Variants in CSMD2 observed in about 807,000 individuals in gnomAD.
CSMD2 encodes the protein CUB and sushi domain-containing protein 2.
A neutral mutation model predicts 398.5 loss-of-function variants in CSMD2; 130 were observed. The observed-to-expected ratio is 0.33, with a 90% CI of 0.28 to 0.38. CSMD2 has a LOEUF of 0.38. Ranked by LOEUF, CSMD2 falls within the 10% of genes least tolerant of loss-of-function variation. The pLI is 1.00. For synonymous variants in CSMD2, 1,828 were observed against 1,908.5 expected, an observed-to-expected ratio of 0.96 and a Z score of 1.10; for missense variants, 3,829 against 4,764.9, an observed-to-expected ratio of 0.80 and a Z score of 5.78.
intron 9 of CSMD2, chr1:33,813,115 C>A (rs1358431730): frequency 6.6e-6 from 1 of 152,210 alleles, no homozygotes; most frequent in Non-Finnish European, 1.5e-5. Context: ...AAGCCCTCAG[C>A]TTCAGAATCA....
intron 10 of CSMD2, among the ~76,000 whole-genome samples, chr1:33,794,827 G>A (rs1270738249): frequency 2.0e-5 from 3 of 152,042 alleles, no homozygotes; most frequent in African/African-American, 7.2e-5. Flanking sequence ...TCTAGGTGAA[G>A]TGGGTTGTGG....
chr1:33,918,807 C>T (rs1431614004), intron 4 of CSMD2, among the ~76,000 whole-genome samples: 3 of 152,170 alleles, frequency 2.0e-5, no homozygotes, highest in African/African-American at 7.2e-5. Context: ...CCACAATTTC[C>T]CAGCCACCTG....
intron 39 of CSMD2, among the ~76,000 whole-genome samples, chr1:33,615,578 A>T (rs1641330044): frequency 6.6e-6 from 1 of 152,212 alleles, no homozygotes; most frequent in Non-Finnish European, 1.5e-5. Context: ...CAACTGTAAA[A>T]TGGAACTAGT....
intron 13 of CSMD2, among the ~76,000 whole-genome samples, chr1:33,748,149 T>C (rs1012683322): frequency 2.0e-5 from 3 of 152,176 alleles, no homozygotes; most frequent in Admixed American, 2.0e-4. Flanking sequence ...CTCAGACTTG[T>C]TGCAACAAGG....
intron 25 of CSMD2, among the ~76,000 whole-genome samples, chr1:33,681,898 G>T (rs1644919331): frequency 1.3e-5 from 2 of 152,168 alleles, no homozygotes; most frequent in Admixed American, 1.3e-4. Context: ...CCCGGGAGGT[G>T]GAGTTTGCAG....
Position 33,698,826 on chromosome 1 carries a change from C to G in CSMD2, c.3852G>C (p.Leu1284=). 1 of 1,614,206 alleles carries G rather than the reference C, an allele frequency of 6.2e-7. No individual in the cohort carries two copies. Among genetic ancestry groups the G allele is most frequent in the Non-Finnish European group, 8.5e-7 (1 of 1,180,030 alleles). ...GACACAGCAGCTCCTCACTACCCCG[C>G]AGGCTGTATCCAGGGTCACAGCTGA... ...VSFSCDPGYS[L]RGSEELLCLS... Residue 1284 remains leucine, a synonymous_variant, in exon 24 of 71, where the codon CTG becomes CTC. Coordinates refer to ENST00000373381, the MANE Select transcript of CSMD2 (RefSeq NM_001281956.2).
Position 33,605,418 on chromosome 1 carries a change from C to G in CSMD2, c.6396G>C (p.Val2132=). The part of the protein sequence containing the change: ...PDPEPFANGI[V]RGAGYNVGQS... ...GTCCCACGTTGTAGCCAGCTCCCCT[C>G]ACAATGCCATTGGCAAAGGGCTCTG... The change falls in exon 42 of 71, where the codon GTG becomes GTC. Residue 2132 remains valine, a synonymous_variant. Coordinates refer to ENST00000373381, the MANE Select transcript of CSMD2 (RefSeq NM_001281956.2). 6.2e-7 allele frequency: 1 copy of G among 1,614,206 alleles called. No homozygotes were observed. Among genetic ancestry groups the G allele is most frequent in the Non-Finnish European group, 8.5e-7 (1 of 1,180,032 alleles).
At chr1:33,843,588 C>T (rs1267349135) in intron 6 of CSMD2, among the ~76,000 whole-genome samples, 2 of 152,168 alleles carry the variant, frequency 1.3e-5, no homozygotes, top group Non-Finnish European at 2.9e-5. Flanking sequence ...AACCTCTCTG[C>T]CCTGTTCTGT....
intron 3 of CSMD2, among the ~76,000 whole-genome samples, chr1:34,004,077 A>G (rs1646983616): frequency 1.3e-5 from 2 of 152,318 alleles, no homozygotes; most frequent in African/African-American, 4.8e-5. Flanking sequence ...TGTGGCACAC[A>G]ACCTGAGTAC....
chr1:34,051,886 G>A (rs1440864789), intron 2 of CSMD2, among the ~76,000 whole-genome samples: 1 of 152,132 alleles, frequency 6.6e-6, no homozygotes, highest in African/African-American at 2.4e-5. Flanking sequence ...GTCTGTGAGG[G>A]AGGTTCTGGG....
intron 1 of CSMD2, among the ~76,000 whole-genome samples, chr1:34,142,114 G>A (rs1396466275): frequency 8.5e-5 from 13 of 152,142 alleles, no homozygotes; most frequent in Admixed American, 8.5e-4. Flanking sequence ...CCCCATACAT[G>A]TTTGCTGCAT....
At chr1:33,870,056 AAT>A (rs1185022463) in intron 5 of CSMD2, 1 of 152,190 alleles carries the variant, frequency 6.6e-6, no homozygotes, top group Admixed American at 6.5e-5. Context: ...CTTCCACTAA[AAT>A]ATCAATTATT....
At position 33,633,290 on chromosome 1, in the gene CSMD2, C is replaced by T. The variant is rs552616623; in HGVS notation, c.5200+132G>A. On this transcript the variant is annotated intron_variant, in intron 32 of 70. Coordinates refer to ENST00000373381, the MANE Select transcript of CSMD2 (RefSeq NM_001281956.2). This position sits in a 1 kb window ranked among gnomAD's most constrained non-coding sequence, Gnocchi z 5.0. The stretch of plus-strand genomic sequence containing the variant: ...TGGCTGCTGCGTTGTAGACAAGCAC[C>T]AGAACACGACAGGCACGCAGAGCCG... The T allele has an allele frequency of 1.0e-5, 7 of 690,636 alleles. No individual in the cohort carries two copies. The highest frequency in any genetic ancestry group is 8.9e-5 in the African/African-American group (5 of 56,086). The allele number at this position is 690,636 out of a possible 1,614,324, so 42.8% of individuals were successfully genotyped here.
intron 15 of CSMD2, among the ~76,000 whole-genome samples, chr1:33,736,193 C>G (rs1646879326): frequency 6.6e-6 from 1 of 152,204 alleles, no homozygotes; most frequent in Non-Finnish European, 1.5e-5. Flanking sequence ...TGAAAAAGAC[C>G]TTTTTAACTT....
chr1:33,725,655 T>C, intron 16 of CSMD2, 119 bp from the exon 17 acceptor site: 1 of 847,232 alleles, frequency 1.2e-6, no homozygotes, highest in Non-Finnish European at 1.9e-6. Flanking sequence ...GGCTGGGATC[T>C]TTTAATATAA....
intron 1 of CSMD2, among the ~76,000 whole-genome samples, chr1:34,133,833 G>A (rs1300040141): frequency 6.6e-6 from 1 of 151,946 alleles, no homozygotes; most frequent in Non-Finnish European, 1.5e-5. Flanking sequence ...CACTTTGGGA[G>A]GCCGAGGTGG....
intron 3 of CSMD2, among the ~76,000 whole-genome samples, chr1:33,964,204 A>T (rs1645473735): frequency 6.6e-6 from 1 of 151,682 alleles, no homozygotes. Flanking sequence ...TCCGGGTTCA[A>T]ATCCTGGCTC....
intron 26 of CSMD2, among the ~76,000 whole-genome samples, chr1:33,658,997 GCT>G (rs1644040109): frequency 6.6e-6 from 1 of 152,232 alleles, no homozygotes; most frequent in African/African-American, 2.4e-5. Flanking sequence ...TCAAGATCAT[GCT>G]CTCTCTTGCA....
At chr1:33,550,047 G>T (rs1657286191) in intron 56 of CSMD2, 130 bp downstream of exon 56, 1 of 863,586 alleles carries the variant, frequency 1.2e-6, no homozygotes, top group East Asian at 2.5e-5. Context: ...CTACCTGTTA[G>T]GGTAGATATA....
Sources: allele counts gnomAD v4.1 joint callset (sites outside exome capture counted in the v4.1 genomes callset), GRCh38; gene constraint gnomAD v4.1.1; non-coding constraint Gnocchi (gnomAD v3.1); transcripts MANE v1.5; gene names NCBI Gene and HGNC (gene_info 2026-07-23, HGNC 2026-07-21).